The following CNGA1 variants were observed in gnomAD, a reference collection of about 807,000 sequenced individuals.
CNGA1 encodes the protein cyclic nucleotide-gated channel alpha-1.
Under a neutral mutation model 69.7 loss-of-function variants are expected in CNGA1, and 53 were observed. The observed-to-expected ratio is 0.76, with a 90% CI of 0.61 to 0.96. CNGA1 has a LOEUF of 0.96. CNGA1 is among the 40% of genes least tolerant of loss of function. The pLI, the probability that CNGA1 is intolerant of heterozygous loss-of-function variation, is 0.00. For missense variants in CNGA1, 739 were observed against 811.2 expected (o/e 0.91, Z 1.08); for synonymous variants, 249 against 283.5 (o/e 0.88, Z 1.22).
chr4:47,987,644 A>G (rs569056795), intron 2 of CNGA1, among the ~76,000 whole-genome samples: 24 of 103,860 alleles, frequency 2.3e-4, no homozygotes, highest in African/African-American at 9.0e-4. Context: ...ACACTCTAAT[A>G]AGATGGGAAA....
chr4:47,986,761 G>A (rs1043281496), intron 2 of CNGA1, among the ~76,000 whole-genome samples: 2 of 151,982 alleles, frequency 1.3e-5, no homozygotes, highest in Non-Finnish European at 2.9e-5. Context: ...AAGAGAGAGA[G>A]AAAGAGAGAT....
chr4:47,956,965 G>C (rs1331805565), intron 3 of CNGA1, among the ~76,000 whole-genome samples: 2 of 151,794 alleles, frequency 1.3e-5, no homozygotes, highest in African/African-American at 4.8e-5. Context: ...ACCGAGTCTT[G>C]CTCTGTCACC....
chr4:48,011,856 T>C (rs1024885824), intron 1 of CNGA1, among the ~76,000 whole-genome samples: 6 of 152,186 alleles, frequency 3.9e-5, no homozygotes, highest in Non-Finnish European at 8.8e-5. Flanking sequence ...CGGATTAAGA[T>C]AAAGATTGTG....
intron 2 of CNGA1, among the ~76,000 whole-genome samples, chr4:47,991,011 T>C (rs1447609022): frequency 6.6e-6 from 1 of 152,198 alleles, no homozygotes; most frequent in African/African-American, 2.4e-5. Context: ...TTCCATTATA[T>C]ATATATACAT....
intron 10 of CNGA1, among the ~76,000 whole-genome samples, chr4:47,938,314 G>GATATAT (rs10558013): frequency 1.4e-3 from 212 of 149,466 alleles, no homozygotes; most frequent in African/African-American, 5.1e-3. Context: ...GATATTGTGA[G>GATATAT]ATATATATAT....
intron 8 of CNGA1, 37 bp from the exon 9 acceptor site, chr4:47,942,185 G>T: frequency 8.0e-7 from 1 of 1,248,120 alleles, no homozygotes; most frequent in Non-Finnish European, 1.2e-6. Context: ...TAGTTACCAA[G>T]ATACAAGAAC....
At chr4:47,993,515 G>C (rs966836254) in intron 2 of CNGA1, among the ~76,000 whole-genome samples, 1 of 152,024 alleles carries the variant, frequency 6.6e-6, no homozygotes, top group Non-Finnish European at 1.5e-5. Flanking sequence ...TTGTATTTCT[G>C]TGATGTCAGT....
At position 47,962,941 on chromosome 4, in the gene CNGA1, T is replaced by C. The variant is rs2110181401; in HGVS notation, c.-14-10238A>G. 3.3e-5 allele frequency among the ~76,000 whole-genome samples: 5 copies of C among 151,652 alleles called. No homozygotes were observed. The Middle Eastern group carries it at 0.014, about 413-fold the overall frequency. Reference sequence around the variant, plus strand: ...TCTTGACTGACAGAAAGAATTGATATGTTTAAAACATAATAGCTGAATTTT... The same window carrying C: ...TCTTGACTGACAGAAAGAATTGATACGTTTAAAACATAATAGCTGAATTTT... On this transcript the variant is annotated intron_variant, in intron 3 of 10. Transcript: ENST00000514170.
intron 6 of CNGA1, among the ~76,000 whole-genome samples, chr4:47,948,883 T>C (rs7690522): frequency 0.85 from 129,488 of 152,146 alleles, 55,456 homozygotes; most frequent in East Asian, 0.98. Context: ...ATGTGCTGGC[T>C]AAGGGTGAGA....
At chr4:47,951,980 A>G (rs191403954) in intron 4 of CNGA1, among the ~76,000 whole-genome samples, 126 of 152,346 alleles carry the variant, frequency 8.3e-4, no homozygotes, top group African/African-American at 3.0e-3. Flanking sequence ...TAGATTCAAA[A>G]TGTCACTTGA....
chr4:47,967,901 C>T lies in CNGA1; in HGVS notation c.-15+13492G>A, dbSNP rs534721053. 2.8e-4 allele frequency among the ~76,000 whole-genome samples: 43 copies of T among 152,072 alleles called. 1 individual carries two copies. The highest frequency in any genetic ancestry group is 1.0e-3 in the Admixed American group (16 of 15,280). Reference sequence around the variant, plus strand: ...GCTGAGGCAGGAAAATCACTTGAACCGGGGAGGTGGAGGTTGCAGTGAGCC... The same window carrying T: ...GCTGAGGCAGGAAAATCACTTGAACTGGGGAGGTGGAGGTTGCAGTGAGCC... On this transcript the variant is annotated intron_variant, in intron 3 of 10. Transcript: ENST00000514170.
intron 6 of CNGA1, among the ~76,000 whole-genome samples, chr4:47,947,318 G>A (rs1739456671): frequency 1.3e-5 from 2 of 152,148 alleles, no homozygotes; most frequent in African/African-American, 2.4e-5. Context: ...TTGAAAGTGT[G>A]AGGTTAATTT....
chr4:47,989,396 C>T (rs1252737308), intron 2 of CNGA1, among the ~76,000 whole-genome samples: 1 of 152,056 alleles, frequency 6.6e-6, no homozygotes, highest in Admixed American at 6.6e-5. Flanking sequence ...AATCACTGAA[C>T]AAGTAAATAA....
intron 3 of CNGA1, among the ~76,000 whole-genome samples, chr4:47,961,503 G>A (rs940483866): frequency 1.3e-5 from 2 of 152,202 alleles, no homozygotes; most frequent in African/African-American, 4.8e-5. Flanking sequence ...AGCACTTTGG[G>A]AGGCCAAGGA....
intron 6 of CNGA1, 35 bp downstream of exon 6, chr4:47,949,798 C>G: frequency 6.3e-7 from 1 of 1,582,976 alleles, no homozygotes; most frequent in Non-Finnish European, 8.7e-7. Flanking sequence ...TTCTTTAAAA[C>G]CAAAACTTTG....
chr4:47,993,445 C>A (rs1362215917), intron 2 of CNGA1, among the ~76,000 whole-genome samples: 1 of 152,080 alleles, frequency 6.6e-6, no homozygotes, highest in Non-Finnish European at 1.5e-5. Context: ...ATTTATCCAT[C>A]TCTTCTAGGT....
At chr4:47,954,500 G>A (rs904375872) in intron 3 of CNGA1, among the ~76,000 whole-genome samples, 1 of 152,158 alleles carries the variant, frequency 6.6e-6, no homozygotes, top group African/African-American at 2.4e-5. Flanking sequence ...GACCAAACAG[G>A]TGAGCCACAC....
At chr4:47,983,509 G>A (rs1216393241) in intron 2 of CNGA1, among the ~76,000 whole-genome samples, 2 of 152,060 alleles carry the variant, frequency 1.3e-5, no homozygotes, top group Non-Finnish European at 2.9e-5. Flanking sequence ...AGAATCACTT[G>A]AACCCAGGAG....
At chr4:48,001,264 G>A (rs1237997137) in intron 2 of CNGA1, among the ~76,000 whole-genome samples, 5 of 152,222 alleles carry the variant, frequency 3.3e-5, no homozygotes, top group Non-Finnish European at 1.5e-5. Flanking sequence ...TCAGGAGTTC[G>A]AGACCAGCCT....
Sources: allele counts gnomAD v4.1 joint callset (sites outside exome capture counted in the v4.1 genomes callset), GRCh38; gene constraint gnomAD v4.1.1; transcripts MANE v1.5; gene names NCBI Gene and HGNC (gene_info 2026-07-23, HGNC 2026-07-21).